Variants in FGF12 observed in about 807,000 individuals in gnomAD.
FGF12 encodes fibroblast growth factor 12.
In FGF12, 14 loss-of-function variants were observed where a neutral mutation model predicts 23.6. The observed-to-expected ratio is 0.59, with a 90% CI of 0.39 to 0.93. The LOEUF (loss-of-function observed/expected upper bound fraction) is 0.93. Among genes scored for constraint, FGF12 ranks in the 40% least tolerant of loss-of-function variants. The pLI is 0.00. For missense variants in FGF12, 175 were observed against 217.8 expected, an observed-to-expected ratio of 0.80 and a Z score of 1.24; for synonymous variants, 62 against 77.3, an observed-to-expected ratio of 0.80 and a Z score of 1.04.
At chr3:192,204,844 C>A (rs903811138) in intron 4 of FGF12, among the ~76,000 whole-genome samples, 2 of 151,880 alleles carry the variant, frequency 1.3e-5, no homozygotes, top group African/African-American at 4.8e-5. Context: ...CAAGATCGCA[C>A]CAAGACTGTA....
intron 2 of FGF12, among the ~76,000 whole-genome samples, chr3:192,626,234 A>G (rs1195501572): frequency 6.6e-6 from 1 of 152,216 alleles, no homozygotes; most frequent in African/African-American, 2.4e-5. Context: ...AATAATTAGC[A>G]TATGTTATTT....
At chr3:192,642,482 G>A (rs1421706338) in intron 2 of FGF12, among the ~76,000 whole-genome samples, 1 of 152,176 alleles carries the variant, frequency 6.6e-6, no homozygotes, top group Admixed American at 6.5e-5. Flanking sequence ...GTCCTTTCCT[G>A]TGCATGGTTA....
intron 4 of FGF12, among the ~76,000 whole-genome samples, chr3:192,200,056 C>T (rs1268109283): frequency 6.6e-6 from 1 of 152,012 alleles, no homozygotes; most frequent in Non-Finnish European, 1.5e-5. Flanking sequence ...GTGGCTCACT[C>T]CTGTAATCCC....
At chr3:192,637,426 T>C (rs535263028) in intron 2 of FGF12, among the ~76,000 whole-genome samples, 7 of 152,346 alleles carry the variant, frequency 4.6e-5, no homozygotes, top group African/African-American at 1.7e-4. Flanking sequence ...ATAGGCAATA[T>C]GGCATTGACA....
chr3:192,269,844 T>C (rs1713316695), intron 4 of FGF12, among the ~76,000 whole-genome samples: 1 of 152,182 alleles, frequency 6.6e-6, no homozygotes, highest in Admixed American at 6.5e-5. Context: ...TACAGCTCTT[T>C]TTTTTCTCCT....
chr3:192,675,556 C>T (rs938220561), intron 2 of FGF12, among the ~76,000 whole-genome samples: 3 of 152,092 alleles, frequency 2.0e-5, no homozygotes, highest in African/African-American at 7.2e-5. Flanking sequence ...CATTATCCAC[C>T]ATTTCATCTG....
chr3:192,590,563 C>A (rs1397027967), intron 2 of FGF12, among the ~76,000 whole-genome samples: 3 of 151,550 alleles, frequency 2.0e-5, no homozygotes, highest in Admixed American at 6.6e-5. Context: ...AATCAAAAAC[C>A]CCATAGAAGT....
At chr3:192,356,975 T>A (rs561603463) in intron 3 of FGF12, among the ~76,000 whole-genome samples, 1 of 152,218 alleles carries the variant, frequency 6.6e-6, no homozygotes, top group African/African-American at 2.4e-5. Context: ...GTGGGGAAAG[T>A]GTCAGAAGAA....
At chr3:192,453,680 T>C (rs907234543) in intron 2 of FGF12, among the ~76,000 whole-genome samples, 11 of 152,200 alleles carry the variant, frequency 7.2e-5, no homozygotes, top group African/African-American at 2.7e-4. Context: ...TGATCTGTGA[T>C]CACTTTTGCT....
At chr3:192,722,231 G>C (rs1425158611) in intron 2 of FGF12, among the ~76,000 whole-genome samples, 2 of 152,200 alleles carry the variant, frequency 1.3e-5, no homozygotes, top group Non-Finnish European at 2.9e-5. Flanking sequence ...CCTACACTCA[G>C]TGACTATACA....
chr3:192,433,428 T>C (rs1311475040), intron 2 of FGF12, among the ~76,000 whole-genome samples: 1 of 152,152 alleles, frequency 6.6e-6, no homozygotes, highest in Non-Finnish European at 1.5e-5. Context: ...ACCAAGCAAA[T>C]ATTTACTAAA....
chr3:192,711,296 C>A (rs1343969151), intron 2 of FGF12, among the ~76,000 whole-genome samples: 1 of 125,700 alleles, frequency 8.0e-6, no homozygotes, highest in Non-Finnish European at 1.6e-5. Context: ...TGGGGGGCAG[C>A]CCCCACCCAG....
At chr3:192,240,112 T>C (rs947364127) in intron 4 of FGF12, among the ~76,000 whole-genome samples, 1 of 152,204 alleles carries the variant, frequency 6.6e-6, no homozygotes, top group Non-Finnish European at 1.5e-5. Context: ...TCCCCACCCT[T>C]ATGGTAATCC....
In FGF12 at chr3:192,616,137, C is replaced by T. The variant is rs957573607; in HGVS notation, c.13+111044G>A. Among the ~76,000 whole-genome samples, 4 of 151,794 alleles carry T rather than the reference C, an allele frequency of 2.6e-5. No homozygotes were observed. In the East Asian group the frequency reaches 7.7e-4, roughly 29 times the overall value. Reference sequence around the variant, plus strand: ...TTACATGTAATAAATTCCAATAGAGCAAATTTTACTGAAAAAATTATCTTA... The same window carrying T: ...TTACATGTAATAAATTCCAATAGAGTAAATTTTACTGAAAAAATTATCTTA... On this transcript the variant is annotated intron_variant, in intron 2 of 5. Transcript: ENST00000445105.
At chr3:192,372,397 A>T (rs202107190) in intron 2 of FGF12, among the ~76,000 whole-genome samples, 10,016 of 125,872 alleles carry the variant, frequency 0.08, 704 homozygotes, top group East Asian at 0.35. Flanking sequence ...ACCATCACAC[A>T]CACACACACA....
intron 2 of FGF12, among the ~76,000 whole-genome samples, chr3:192,506,453 C>A (rs1232414796): frequency 6.6e-6 from 1 of 152,186 alleles, no homozygotes; most frequent in South Asian, 2.1e-4. Context: ...TCACCGCAAC[C>A]TTCGCCTCCC....
At chr3:192,296,067 T>C (rs1312033982) in intron 4 of FGF12, among the ~76,000 whole-genome samples, 2 of 140,434 alleles carry the variant, frequency 1.4e-5, no homozygotes, top group African/African-American at 5.2e-5. Context: ...TCTTTCTTTT[T>C]TTTTTTTTTT....
At chr3:192,271,940 C>T (rs1334718846) in intron 4 of FGF12, among the ~76,000 whole-genome samples, 1 of 152,174 alleles carries the variant, frequency 6.6e-6, no homozygotes, top group Non-Finnish European at 1.5e-5. Flanking sequence ...CTCTTCAAAG[C>T]TGATCTCCTA....
chr3:192,173,718 A>G (rs1209972832), intron 4 of FGF12, among the ~76,000 whole-genome samples: 5 of 152,246 alleles, frequency 3.3e-5, no homozygotes, highest in Non-Finnish European at 7.3e-5. Flanking sequence ...AAGTTCAAGC[A>G]ATACATTCAA....
Sources: allele counts gnomAD v4.1 joint callset (sites outside exome capture counted in the v4.1 genomes callset), GRCh38; gene constraint gnomAD v4.1.1; transcripts MANE v1.5; gene names NCBI Gene and HGNC (gene_info 2026-07-23, HGNC 2026-07-21).